Variants in CPNE4 observed in about 807,000 individuals in gnomAD.
CPNE4 encodes the protein copine-4.
CPNE4 carries 25 observed loss-of-function variants against 67.9 expected under a neutral mutation model. The observed-to-expected ratio is 0.37, with a 90% CI of 0.27 to 0.51. The LOEUF (loss-of-function observed/expected upper bound fraction) is 0.51, where lower values mean the gene tolerates loss of function less well. CPNE4 is among the 20% of genes least tolerant of loss of function. CPNE4 has a pLI of 0.93. For missense variants in CPNE4, 464 were observed against 690.8 expected (o/e 0.67, Z 3.68); for synonymous variants, 242 against 244.9 (o/e 0.99, Z 0.11).
At chr3:131,603,389 A>C (rs1559968057) in intron 7 of CPNE4, among the ~76,000 whole-genome samples, 2 of 152,170 alleles carry the variant, frequency 1.3e-5, no homozygotes, top group South Asian at 4.1e-4. Context: ...CCTAATAGGG[A>C]CTCAATAAGT....
chr3:131,538,150 C>A (rs1559861304), intron 15 of CPNE4, among the ~76,000 whole-genome samples: 1 of 152,216 alleles, frequency 6.6e-6, no homozygotes, highest in Non-Finnish European at 1.5e-5. Context: ...AAAAATATTC[C>A]TAAACCAGGC....
chr3:131,540,706 T>A (rs553090197), intron 15 of CPNE4, among the ~76,000 whole-genome samples: 16 of 152,326 alleles, frequency 1.1e-4, no homozygotes, highest in African/African-American at 3.6e-4. Flanking sequence ...TTCATTTGAA[T>A]GAGTTTTTGA....
chr3:131,896,964 T>C (rs2088362540), intron 2 of CPNE4, among the ~76,000 whole-genome samples: 1 of 152,040 alleles, frequency 6.6e-6, no homozygotes, highest in Non-Finnish European at 1.5e-5. Context: ...AAGACAGGCT[T>C]AATAGAAGTA....
At chr3:132,010,975 A>C (rs1052426937) in intron 1 of CPNE4, among the ~76,000 whole-genome samples, 1 of 152,206 alleles carries the variant, frequency 6.6e-6, no homozygotes, top group Non-Finnish European at 1.5e-5. Context: ...CAACCTGCAC[A>C]GACTGTCTCA....
At chr3:131,674,441 C>G (rs956975918) in intron 6 of CPNE4, among the ~76,000 whole-genome samples, 2 of 151,884 alleles carry the variant, frequency 1.3e-5, no homozygotes, top group Non-Finnish European at 2.9e-5. Flanking sequence ...GCAGTGAAGC[C>G]ATCAGTTTCC....
At chr3:131,961,855 CT>C in intron 1 of CPNE4, among the ~76,000 whole-genome samples, 1 of 152,242 alleles carries the variant, frequency 6.6e-6, no homozygotes, top group East Asian at 1.9e-4. Flanking sequence ...TTCTGTTTAT[CT>C]CTCTCCCTTC....
chr3:132,020,663 C>A (rs577725260), intron 1 of CPNE4, among the ~76,000 whole-genome samples: 14 of 152,256 alleles, frequency 9.2e-5, no homozygotes, highest in Admixed American at 7.8e-4. Flanking sequence ...ATCATCTCCA[C>A]CCCTCCAAGT....
At chr3:131,825,133 G>A (rs1309375345) in intron 2 of CPNE4, among the ~76,000 whole-genome samples, 2 of 152,102 alleles carry the variant, frequency 1.3e-5, no homozygotes, top group Non-Finnish European at 2.9e-5. Context: ...GTAATAGTGA[G>A]AAACGGGGTC....
intron 1 of CPNE4, among the ~76,000 whole-genome samples, chr3:131,953,856 C>T (rs867599655): frequency 1.2e-4 from 19 of 152,186 alleles, no homozygotes; most frequent in African/African-American, 4.6e-4. Flanking sequence ...AATTAACAAT[C>T]ATTTCTCATA....
intron 2 of CPNE4, among the ~76,000 whole-genome samples, chr3:131,799,970 C>G (rs1180639567): frequency 1.3e-5 from 2 of 150,954 alleles, no homozygotes; most frequent in Non-Finnish European, 3.0e-5. Context: ...TCATACATCT[C>G]TTTCTCCCAC....
chr3:131,752,143 T>C (rs140898967), intron 2 of CPNE4, among the ~76,000 whole-genome samples: 8 of 152,256 alleles, frequency 5.3e-5, no homozygotes, highest in Admixed American at 5.2e-4. Context: ...TGGAGAGCTT[T>C]TACCAGCCAG....
chr3:131,891,203 C>T (rs1254273651), intron 2 of CPNE4, among the ~76,000 whole-genome samples: 1 of 151,944 alleles, frequency 6.6e-6, no homozygotes, highest in Non-Finnish European at 1.5e-5. Flanking sequence ...TATGAGTGCC[C>T]ACACATATCC....
chr3:131,972,619 C>A (rs2072534618), intron 1 of CPNE4, among the ~76,000 whole-genome samples: 1 of 152,164 alleles, frequency 6.6e-6, no homozygotes, highest in African/African-American at 2.4e-5. Flanking sequence ...CCCATTCCTA[C>A]AGCTCACAAC....
At chr3:131,680,808 A>G (rs562074376) in intron 6 of CPNE4, among the ~76,000 whole-genome samples, 1 of 152,140 alleles carries the variant, frequency 6.6e-6, no homozygotes, top group African/African-American at 2.4e-5. Flanking sequence ...GTAGTCTTTT[A>G]TCGCTCAACC....
At chr3:131,755,260 G>A (rs2107803762) in intron 2 of CPNE4, among the ~76,000 whole-genome samples, 1 of 151,194 alleles carries the variant, frequency 6.6e-6, no homozygotes, top group South Asian at 2.1e-4. Flanking sequence ...GGAGCTGTGA[G>A]TACATAATCT....
At chr3:131,633,094 T>G (rs1469784493) in intron 7 of CPNE4, among the ~76,000 whole-genome samples, 1 of 152,200 alleles carries the variant, frequency 6.6e-6, no homozygotes. Context: ...TTCCAGTTGC[T>G]CAGGCTAAGA....
At chr3:131,830,686 T>C (rs1422072679) in intron 2 of CPNE4, among the ~76,000 whole-genome samples, 1 of 152,150 alleles carries the variant, frequency 6.6e-6, no homozygotes, top group Non-Finnish European at 1.5e-5. Context: ...TATTACATTC[T>C]TTTTACTACT....
intron 5 of CPNE4, among the ~76,000 whole-genome samples, chr3:131,689,928 C>T (rs1035941564): frequency 6.6e-6 from 1 of 151,812 alleles, no homozygotes; most frequent in Non-Finnish European, 1.5e-5. Flanking sequence ...CCATCAAGAA[C>T]GACCCCATTT....
intron 1 of CPNE4, among the ~76,000 whole-genome samples, chr3:131,942,514 G>GAGA (rs1244798502): frequency 8.3e-5 from 9 of 108,096 alleles, no homozygotes; most frequent in African/African-American, 3.0e-4. Context: ...GAGAGAGAGA[G>GAGA]ATCATTTTAT....
Sources: allele counts gnomAD v4.1 joint callset (sites outside exome capture counted in the v4.1 genomes callset), GRCh38; gene constraint gnomAD v4.1.1; transcripts MANE v1.5; gene names NCBI Gene and HGNC (gene_info 2026-07-23, HGNC 2026-07-21).